The following ITPR2 variants were observed in gnomAD, a reference collection of about 807,000 sequenced individuals.
The protein encoded by ITPR2 is inositol 1,4,5-trisphosphate receptor type 2, also known as inositol 1,4,5-trisphosphate-gated calcium channel ITPR2.
ITPR2 carries 207 observed loss-of-function variants against 317.1 expected under a neutral mutation model. The observed-to-expected ratio is 0.65, with a 90% confidence interval of 0.58 to 0.73. The LOEUF (loss-of-function observed/expected upper bound fraction) is 0.73, where lower values mean the gene tolerates loss of function less well. Among genes scored for constraint, ITPR2 ranks in the 30% least tolerant of loss-of-function variants. The pLI, the probability that ITPR2 is intolerant of heterozygous loss-of-function variation, is 0.00. For missense variants in ITPR2, 2,613 were observed against 3,284.0 expected, an observed-to-expected ratio of 0.80 and a Z score of 4.99; for synonymous variants, 1,156 against 1,149.1, an observed-to-expected ratio of 1.01 and a Z score of -0.12.
At chr12:26,659,386 G>A in intron 15 of ITPR2, 101 bp from the exon 16 acceptor site, 1 of 1,026,996 alleles carries the variant, frequency 9.7e-7, no homozygotes, top group Non-Finnish European at 1.4e-6. Context: ...ACAACAGAAG[G>A]TTCACTAAAA....
chr12:26,827,109 A>G (rs1222393729), intron 1 of ITPR2, among the ~76,000 whole-genome samples: 1 of 152,262 alleles, frequency 6.6e-6, no homozygotes, highest in Non-Finnish European at 1.5e-5. Flanking sequence ...AAGACATGCC[A>G]GTAGAAAATA....
intron 51 of ITPR2, among the ~76,000 whole-genome samples, chr12:26,412,684 C>A (rs368417792): frequency 6.6e-6 from 1 of 151,978 alleles, no homozygotes; most frequent in African/African-American, 2.4e-5. Flanking sequence ...GGGAAAAAAA[C>A]CCAGAAAGCT....
In ITPR2 at chr12:26,599,297, G is replaced by A. The variant is rs759689061; in HGVS notation, c.3850C>T (p.Leu1284=). 2 of 1,614,126 alleles carry A rather than the reference G, an allele frequency of 1.2e-6. No individual in the cohort carries two copies. The highest frequency in any genetic ancestry group is 1.7e-6 in the Non-Finnish European group (2 of 1,179,948). Residue 1284 remains leucine (L), a synonymous_variant, in exon 30 of 57, where the codon CTG becomes TTG. Coordinates refer to ENST00000381340, the MANE Select transcript of ITPR2 (RefSeq NM_002223.4). ...MRHIFMNNYH[L]CNEISERVVQ... is the part of the protein sequence containing the mutation. ...ACTCTCTCGCTAATTTCGTTGCACA[G>A]ATGGTAATTGTTCATGAAGATGTGC...
chr12:26,574,296 T>C (rs1180255706), intron 34 of ITPR2, among the ~76,000 whole-genome samples: 1 of 152,164 alleles, frequency 6.6e-6, no homozygotes, highest in Non-Finnish European at 1.5e-5. Context: ...TTCTTTTCTT[T>C]GTCTAAATAT....
intron 10 of ITPR2, among the ~76,000 whole-genome samples, chr12:26,691,926 C>T (rs1948248611): frequency 1.3e-5 from 2 of 152,104 alleles, no homozygotes; most frequent in African/African-American, 4.8e-5. Context: ...CTGCCATTTA[C>T]AGCTGCAAAT....
chr12:26,689,054 G>C (rs930024018), intron 10 of ITPR2, among the ~76,000 whole-genome samples: 2 of 152,090 alleles, frequency 1.3e-5, no homozygotes, highest in African/African-American at 4.8e-5. Context: ...TGCTTGACTA[G>C]AGTAACATTT....
intron 37 of ITPR2, among the ~76,000 whole-genome samples, chr12:26,536,717 C>T (rs115544028): frequency 0.015 from 2,346 of 152,174 alleles, 58 homozygotes; most frequent in African/African-American, 0.052. Flanking sequence ...TGGCAGGATC[C>T]ACCAGGCCAG....
At chr12:26,480,887 C>T (rs1383733813) in intron 43 of ITPR2, among the ~76,000 whole-genome samples, 2 of 151,992 alleles carry the variant, frequency 1.3e-5, no homozygotes, top group African/African-American at 4.8e-5. Flanking sequence ...AAAATAAAAA[C>T]AAAAGGGAAG....
At chr12:26,771,939 A>G (rs935076829) in intron 2 of ITPR2, among the ~76,000 whole-genome samples, 2 of 152,148 alleles carry the variant, frequency 1.3e-5, no homozygotes, top group Non-Finnish European at 2.9e-5. Context: ...CATTAATAGA[A>G]TATAAAGCAG....
chr12:26,336,728 AAT>A lies in ITPR2; in HGVS notation c.*2667_*2668del, dbSNP rs1937926876. ...AACCAATATGAATTTGAAATAACTA[AAT>A]ATTTTTTCAAAATCTCCCTTAACAT... On this transcript the variant is annotated 3_prime_UTR_variant, in exon 57 of 57. Coordinates refer to ENST00000381340, the MANE Select transcript of ITPR2 (RefSeq NM_002223.4). The A allele has an allele frequency of 2.0e-5, 3 of 152,306 alleles. No individual in the cohort carries two copies. In the South Asian group the frequency reaches 6.2e-4, roughly 32 times the overall value. The allele number at this position is 152,306 out of a possible 1,614,324, so 9.4% of individuals were successfully genotyped here. A position where few individuals can be genotyped will look rare whatever the true frequency, so the allele number is the denominator to read the frequency against.
At chr12:26,822,897 C>A (rs1005386852) in intron 1 of ITPR2, among the ~76,000 whole-genome samples, 1 of 152,116 alleles carries the variant, frequency 6.6e-6, no homozygotes, top group Non-Finnish European at 1.5e-5. Context: ...CATATCTCAA[C>A]AATATTGAAT....
chr12:26,776,780 C>T (rs1949979301), intron 2 of ITPR2, among the ~76,000 whole-genome samples: 1 of 152,178 alleles, frequency 6.6e-6, no homozygotes, highest in African/African-American at 2.4e-5. Context: ...GGGAAGGACC[C>T]CTTAGGCAGT....
At chr12:26,557,558 T>C (rs1389513150) in intron 35 of ITPR2, among the ~76,000 whole-genome samples, 1 of 152,184 alleles carries the variant, frequency 6.6e-6, no homozygotes, top group Non-Finnish European at 1.5e-5. Flanking sequence ...GAATCCGAAA[T>C]CTGAGACAGC....
chr12:26,797,683 T>C (rs1305115203), intron 1 of ITPR2, among the ~76,000 whole-genome samples: 1 of 9,336 alleles, frequency 1.1e-4, no homozygotes, highest in African/African-American at 2.9e-4. Flanking sequence ...TGGAATTGTC[T>C]TTTTTTTTTT....
intron 9 of ITPR2, among the ~76,000 whole-genome samples, chr12:26,709,847 G>A (rs1168614895): frequency 6.6e-6 from 1 of 152,098 alleles, no homozygotes; most frequent in African/African-American, 2.4e-5. Context: ...AAACATTTAC[G>A]CTATAAACAG....
intron 50 of ITPR2, among the ~76,000 whole-genome samples, chr12:26,416,288 C>T (rs943892272): frequency 6.6e-6 from 1 of 152,042 alleles, no homozygotes; most frequent in Non-Finnish European, 1.5e-5. Context: ...TTATTTATTG[C>T]TACATTATAA....
At chr12:26,433,380 C>T (rs572920270) in intron 48 of ITPR2, among the ~76,000 whole-genome samples, 1 of 152,224 alleles carries the variant, frequency 6.6e-6, no homozygotes, top group South Asian at 2.1e-4. Flanking sequence ...TTCGTTAGTC[C>T]TATTTCTGGG....
intron 21 of ITPR2, among the ~76,000 whole-genome samples, chr12:26,633,590 C>T (rs1018536881): frequency 6.6e-6 from 1 of 152,238 alleles, no homozygotes; most frequent in Non-Finnish European, 1.5e-5. Context: ...GAGCCAGCCC[C>T]TCTTTTCTAT....
chr12:26,451,694 A>G (rs1378397822), intron 45 of ITPR2, among the ~76,000 whole-genome samples: 1 of 152,220 alleles, frequency 6.6e-6, no homozygotes, highest in Non-Finnish European at 1.5e-5. Context: ...CAAATGATCT[A>G]GACTCCTACT....
Sources: allele counts gnomAD v4.1 joint callset (sites outside exome capture counted in the v4.1 genomes callset), GRCh38; gene constraint gnomAD v4.1.1; transcripts MANE v1.5; gene names NCBI Gene and HGNC (gene_info 2026-07-23, HGNC 2026-07-21).